The following NARS2 variants were observed in gnomAD, a reference collection of about 807,000 sequenced individuals.
NARS2 encodes the protein asparaginyl-tRNA synthetase.
A neutral mutation model predicts 62.9 loss-of-function variants in NARS2; 60 were observed. The observed-to-expected ratio is 0.95, with a 90% CI of 0.77 to 1.18. The LOEUF is 1.18. NARS2 is among the 50% of genes most tolerant of loss of function. The pLI is 0.00. For missense variants in NARS2, 619 were observed against 576.4 expected (o/e 1.07, Z -0.76); for synonymous variants, 196 against 200.0 (o/e 0.98, Z 0.17).
chr11:78,526,554 T>C lies in NARS2; in HGVS notation c.689+2288A>G, dbSNP rs777993223. 5.3e-5 allele frequency among the ~76,000 whole-genome samples: 8 copies of C among 152,340 alleles called. No individual in the cohort carries two copies. In the East Asian group the frequency reaches 1.2e-3, roughly 22 times the overall value. ...AAAAACATTATGTTCTGCATATTAA[T>C]AGTCCTAGAACTGTGCATATTAAAC... On this transcript the variant is annotated intron_variant, in intron 6 of 13. Transcript: ENST00000281038.
chr11:78,554,651 T>C (rs947911393), intron 5 of NARS2, among the ~76,000 whole-genome samples: 1 of 152,202 alleles, frequency 6.6e-6, no homozygotes, highest in Non-Finnish European at 1.5e-5. Flanking sequence ...AAGTTATTTA[T>C]CAGCTGAAGG....
At chr11:78,483,021 C>T (rs1859424040) in intron 7 of NARS2, among the ~76,000 whole-genome samples, 1 of 152,178 alleles carries the variant, frequency 6.6e-6, no homozygotes, top group Non-Finnish European at 1.5e-5. Flanking sequence ...TCCAGCAGCA[C>T]ATCAAAAAGC....
intron 9 of NARS2, among the ~76,000 whole-genome samples, chr11:78,471,551 T>C (rs1322637568): frequency 2.0e-5 from 3 of 152,142 alleles, no homozygotes; most frequent in Admixed American, 6.5e-5. Context: ...TTTATTATTA[T>C]ACTTTAAGTT....
intron 5 of NARS2, among the ~76,000 whole-genome samples, chr11:78,540,464 G>A (rs1855567625): frequency 8.3e-6 from 1 of 120,252 alleles, no homozygotes; most frequent in South Asian, 3.1e-4. Context: ...CAGTGGAAAG[G>A]AATATAATCA....
At chr11:78,438,437 A>C (rs1258460251) in intron 13 of NARS2, among the ~76,000 whole-genome samples, 1 of 152,168 alleles carries the variant, frequency 6.6e-6, no homozygotes, top group Admixed American at 6.5e-5. Context: ...AGCACACCAA[A>C]CTACCTGTCA....
intron 11 of NARS2, among the ~76,000 whole-genome samples, chr11:78,457,270 A>G (rs1033459231): frequency 3.3e-5 from 5 of 152,236 alleles, no homozygotes; most frequent in Non-Finnish European, 7.3e-5. Context: ...TTACAAGTGT[A>G]GATTAGATAT....
chr11:78,492,995 AG>A (rs1859890897), intron 7 of NARS2, 67 bp downstream of exon 7: 2 of 1,401,046 alleles, frequency 1.4e-6, no homozygotes, highest in Admixed American at 2.2e-5. Flanking sequence ...TAAACGTCCG[AG>A]GTAAAAATAT....
chr11:78,570,306 C>G (rs976706090), intron 2 of NARS2, among the ~76,000 whole-genome samples: 1 of 152,176 alleles, frequency 6.6e-6, no homozygotes, highest in Non-Finnish European at 1.5e-5. Flanking sequence ...CCCTAACAAT[C>G]CCCGGAATAG....
At chr11:78,523,912 T>G (rs763242864) in intron 6 of NARS2, among the ~76,000 whole-genome samples, 3 of 152,182 alleles carry the variant, frequency 2.0e-5, no homozygotes, top group African/African-American at 7.2e-5. Context: ...TCTAAAATTA[T>G]GTCAGTGATA....
At chr11:78,512,509 G>A (rs1158509871) in intron 6 of NARS2, among the ~76,000 whole-genome samples, 1 of 152,142 alleles carries the variant, frequency 6.6e-6, no homozygotes, top group Non-Finnish European at 1.5e-5. Context: ...AATGCTTACA[G>A]CAGCTCTGTA....
At chr11:78,462,675 A>C (rs1858444924) in intron 11 of NARS2, among the ~76,000 whole-genome samples, 1 of 152,212 alleles carries the variant, frequency 6.6e-6, no homozygotes, top group Admixed American at 6.5e-5. Context: ...TTTTTCATTT[A>C]TAAAATGGGG....
intron 9 of NARS2, among the ~76,000 whole-genome samples, chr11:78,473,609 A>G (rs1204644741): frequency 1.3e-5 from 2 of 152,250 alleles, no homozygotes; most frequent in Non-Finnish European, 2.9e-5. Context: ...TTCTTGAACT[A>G]CACAGGAAAC....
chr11:78,512,521 T>C (rs903708608), intron 6 of NARS2, among the ~76,000 whole-genome samples: 2 of 152,194 alleles, frequency 1.3e-5, no homozygotes, highest in South Asian at 4.1e-4. Context: ...AGCTCTGTAA[T>C]GTGGCCACTA....
At chr11:78,552,969 T>C (rs1475743374) in intron 5 of NARS2, among the ~76,000 whole-genome samples, 1 of 152,220 alleles carries the variant, frequency 6.6e-6, no homozygotes, top group Non-Finnish European at 1.5e-5. Flanking sequence ...TCCGGGTATA[T>C]ACCCAGTAAT....
At chr11:78,438,158 A>C (rs1857468905) in intron 13 of NARS2, among the ~76,000 whole-genome samples, 1 of 152,130 alleles carries the variant, frequency 6.6e-6, no homozygotes, top group Non-Finnish European at 1.5e-5. Flanking sequence ...TAATGGCTAC[A>C]TATACTGGTA....
At chr11:78,573,286 C>T (rs891312457) in intron 1 of NARS2, 12 of 152,246 alleles carry the variant, frequency 7.9e-5, no homozygotes, top group African/African-American at 2.4e-4. Flanking sequence ...CCTGTAATCC[C>T]AGCATTTTGG....
chr11:78,470,554 T>C (rs557332806), intron 9 of NARS2, among the ~76,000 whole-genome samples: 2 of 152,194 alleles, frequency 1.3e-5, no homozygotes, highest in Non-Finnish European at 2.9e-5. Context: ...TGTGTGTATA[T>C]GAAGACATTC....
At chr11:78,465,702 C>T (rs866548807) in intron 11 of NARS2, among the ~76,000 whole-genome samples, 174 bp downstream of exon 11, 2 of 152,164 alleles carry the variant, frequency 1.3e-5, no homozygotes, top group South Asian at 2.1e-4. Context: ...TGAGGAAGTA[C>T]GTTTATAGAA....
intron 5 of NARS2, among the ~76,000 whole-genome samples, chr11:78,531,182 A>C (rs1458017205): frequency 6.6e-6 from 1 of 152,190 alleles, no homozygotes; most frequent in African/African-American, 2.4e-5. Flanking sequence ...ACTCTCGAAG[A>C]GAGTTAAAGG....
Sources: gnomAD v4.1 joint callset for allele counts (sites outside exome capture counted in the v4.1 genomes callset) on GRCh38, gnomAD v4.1.1 for gene constraint, MANE v1.5 for transcripts, NCBI Gene and HGNC (gene_info 2026-07-23, HGNC 2026-07-21) for gene names.